Variants in CDH13 observed in about 807,000 individuals in gnomAD.
CDH13 encodes cadherin-13.
CDH13 carries 24 observed loss-of-function variants against 63.8 expected under a neutral mutation model. That is an observed-to-expected ratio of 0.38 (90% CI 0.27 to 0.53). The LOEUF is 0.53. Among genes scored for constraint, CDH13 ranks in the 20% least tolerant of loss-of-function variants. The pLI is 0.85. For synonymous variants in CDH13, 503 were observed against 355.3 expected, an observed-to-expected ratio of 1.42 and a Z score of -4.67; for missense variants, 1,049 against 903.1, an observed-to-expected ratio of 1.16 and a Z score of -2.07.
chr16:83,418,799 T>C (rs2071628321), intron 6 of CDH13, among the ~76,000 whole-genome samples: 1 of 152,188 alleles, frequency 6.6e-6, no homozygotes. Flanking sequence ...GGAGAAGACC[T>C]AGAGTTCAAC....
intron 2 of CDH13, among the ~76,000 whole-genome samples, chr16:82,986,065 T>A (rs1910898335): frequency 6.6e-6 from 1 of 152,212 alleles, no homozygotes; most frequent in Non-Finnish European, 1.5e-5. Flanking sequence ...CTGTCTCACG[T>A]ACTTCTATAT....
At chr16:83,287,655 A>G (rs532110444) in intron 5 of CDH13, among the ~76,000 whole-genome samples, 3 of 152,282 alleles carry the variant, frequency 2.0e-5, no homozygotes, top group East Asian at 1.9e-4. Flanking sequence ...CTGATTCTAC[A>G]TTATGATGAC....
intron 1 of CDH13, among the ~76,000 whole-genome samples, chr16:82,630,912 C>A (rs1412841401): frequency 1.3e-5 from 2 of 152,188 alleles, no homozygotes; most frequent in African/African-American, 4.8e-5. Context: ...GGGCTCCATC[C>A]ACAGCATTAC....
chr16:83,148,662 G>C (rs572046718), intron 4 of CDH13, among the ~76,000 whole-genome samples: 1 of 152,276 alleles, frequency 6.6e-6, no homozygotes, highest in East Asian at 1.9e-4. Context: ...ATTAACTATT[G>C]CAGTATGGTG....
chr16:83,090,852 G>T (rs888547452), intron 3 of CDH13, among the ~76,000 whole-genome samples: 7 of 151,342 alleles, frequency 4.6e-5, no homozygotes, highest in Admixed American at 3.3e-4. Context: ...TTTTTAAGCT[G>T]TGGTGGTGTG....
chr16:83,682,684 C>T (rs533111473), intron 10 of CDH13, among the ~76,000 whole-genome samples: 4 of 152,282 alleles, frequency 2.6e-5, no homozygotes, highest in Non-Finnish European at 4.4e-5. Context: ...GCCTGTCTGT[C>T]TCTCTGCTGC....
chr16:82,978,444 T>A lies in CDH13; in HGVS notation c.158-53566T>A, dbSNP rs564515048. 1.2e-4 allele frequency among the ~76,000 whole-genome samples: 19 copies of A among 152,286 alleles called. 1 individual carries two copies. In the South Asian group the frequency reaches 2.3e-3, roughly 18 times the overall value. ...CCCTCCCATTGCAGGCCTGGAGGCCTTGGAGGAAAAAATGGCTTTGTGGGC... is the reference window on the plus strand; with the variant it reads ...CCCTCCCATTGCAGGCCTGGAGGCCATGGAGGAAAAAATGGCTTTGTGGGC... On this transcript the variant is annotated intron_variant, in intron 2 of 13. Transcript: ENST00000567109.
At chr16:83,348,729 T>G (rs1047200349) in intron 6 of CDH13, among the ~76,000 whole-genome samples, 2 of 152,210 alleles carry the variant, frequency 1.3e-5, no homozygotes, top group East Asian at 3.9e-4. Context: ...TTACTGAACC[T>G]TCTAGGACCC....
At chr16:83,610,228 C>T (rs1908732684) in intron 8 of CDH13, among the ~76,000 whole-genome samples, 1 of 151,624 alleles carries the variant, frequency 6.6e-6, no homozygotes, top group African/African-American at 2.4e-5. Flanking sequence ...ACATCCTAAA[C>T]AGCTAGAATA....
chr16:82,636,125 G>A (rs1419063354), intron 1 of CDH13, among the ~76,000 whole-genome samples: 1 of 152,156 alleles, frequency 6.6e-6, no homozygotes, highest in Non-Finnish European at 1.5e-5. Context: ...ACATTTAGGT[G>A]GATAACTTGA....
intron 3 of CDH13, among the ~76,000 whole-genome samples, chr16:83,092,008 C>T (rs1057232258): frequency 1.3e-5 from 2 of 152,196 alleles, no homozygotes; most frequent in Non-Finnish European, 1.5e-5. Context: ...CCAGGCAATG[C>T]TGGCATTAAA....
chr16:82,848,694 C>T (rs534249751), intron 1 of CDH13, among the ~76,000 whole-genome samples: 1 of 152,184 alleles, frequency 6.6e-6, no homozygotes, highest in South Asian at 2.1e-4. Flanking sequence ...TCTCCTTCTC[C>T]TCCAAACATC....
At chr16:83,304,105 G>A (rs2089818114) in intron 5 of CDH13, among the ~76,000 whole-genome samples, 1 of 152,168 alleles carries the variant, frequency 6.6e-6, no homozygotes, top group African/African-American at 2.4e-5. Flanking sequence ...CTAGACTATG[G>A]GGGTAGCGCA....
chr16:82,681,812 A>T (rs1914579756), intron 1 of CDH13, among the ~76,000 whole-genome samples: 1 of 152,228 alleles, frequency 6.6e-6, no homozygotes, highest in African/African-American at 2.4e-5. Flanking sequence ...GAGGACTGAC[A>T]TGCGTCAATG....
At chr16:82,943,143 C>A (rs552738964) in intron 2 of CDH13, among the ~76,000 whole-genome samples, 1 of 152,304 alleles carries the variant, frequency 6.6e-6, no homozygotes, top group East Asian at 1.9e-4. Context: ...GAGAGTTTAG[C>A]ATTTACAATT....
intron 2 of CDH13, among the ~76,000 whole-genome samples, chr16:83,026,604 G>GA (rs1208216940): frequency 6.6e-6 from 1 of 151,968 alleles, no homozygotes; most frequent in East Asian, 1.9e-4. Context: ...GTGGCAATTA[G>GA]AAAAAAATAC....
intron 6 of CDH13, among the ~76,000 whole-genome samples, chr16:83,435,326 G>A (rs1405293750): frequency 6.6e-6 from 1 of 152,132 alleles, no homozygotes; most frequent in Admixed American, 6.5e-5. Context: ...TTACAAGAGT[G>A]AGCCACTATG....
chr16:83,218,889 G>A (rs946027629), intron 5 of CDH13, among the ~76,000 whole-genome samples: 2 of 152,098 alleles, frequency 1.3e-5, no homozygotes, highest in African/African-American at 4.8e-5. Flanking sequence ...GAGATCTGAT[G>A]GTTTTATGAA....
intron 1 of CDH13, among the ~76,000 whole-genome samples, chr16:82,818,270 G>A (rs529255575): frequency 1.3e-5 from 2 of 152,200 alleles, no homozygotes; most frequent in African/African-American, 4.8e-5. Context: ...AAAACTTGAA[G>A]TTGCCCGGCC....
Sources: gnomAD v4.1 joint callset for allele counts (sites outside exome capture counted in the v4.1 genomes callset) on GRCh38, gnomAD v4.1.1 for gene constraint, MANE v1.5 for transcripts, NCBI Gene and HGNC (gene_info 2026-07-23, HGNC 2026-07-21) for gene names.